CASZ1: variants seen among roughly 807,000 people sequenced by gnomAD.
The protein encoded by CASZ1 is castor zinc finger 1.
In CASZ1, 28 loss-of-function variants were observed where a neutral mutation model predicts 135.2. The ratio of observed to expected loss-of-function variants is 0.21; its 90% confidence interval spans 0.15 to 0.28. The LOEUF (loss-of-function observed/expected upper bound fraction) is 0.28, where lower values mean the gene tolerates loss of function less well. Among genes scored for constraint, CASZ1 ranks in the 10% least tolerant of loss-of-function variants. The probability of loss-of-function intolerance (pLI) is 1.00; values close to 1 mark genes in which losing one functional copy is unlikely to be tolerated. For synonymous variants in CASZ1, 1,068 were observed against 1,073.4 expected, an observed-to-expected ratio of 0.99 and a Z score of 0.10; for missense variants, 2,161 against 2,453.3, an observed-to-expected ratio of 0.88 and a Z score of 2.52.
intron 2 of CASZ1, among the ~76,000 whole-genome samples, chr1:10,734,492 CGG>C (rs1403091719): frequency 6.6e-6 from 1 of 152,020 alleles, no homozygotes; most frequent in East Asian, 1.9e-4. Context: ...AGCTGCATCT[CGG>C]GAATTCTCTA....
chr1:10,777,561 C>T lies in CASZ1; in HGVS notation c.-233-16704G>A, dbSNP rs1311538144. On this transcript the variant is annotated intron_variant, in intron 1 of 20. Transcript: ENST00000377022. This position sits in a 1 kb window ranked among gnomAD's most constrained non-coding sequence, Gnocchi z 4.4. ...GGAAGACCCCGTTAATTTTACTCTG[C>T]CCGGCTACTACAACGAGGGGGAAAG... 2.6e-5 allele frequency among the ~76,000 whole-genome samples: 4 copies of T among 152,160 alleles called. No individual in the cohort carries two copies. Among genetic ancestry groups the T allele is most frequent in the Non-Finnish European group, 4.4e-5 (3 of 68,038 alleles).
chr1:10,705,737 A>G (rs1410977878), intron 2 of CASZ1, among the ~76,000 whole-genome samples, 193 bp from the exon 3 acceptor site: 1 of 152,252 alleles, frequency 6.6e-6, no homozygotes, highest in East Asian at 1.9e-4. Context: ...ATTCAGGCAT[A>G]TGCCAGCCAC....
At position 10,724,417 on chromosome 1, in the gene CASZ1, A is replaced by G. The variant is rs1639558857; in HGVS notation, c.-76-18873T>C. Among the ~76,000 whole-genome samples, 1 of 152,226 alleles carries G rather than the reference A, an allele frequency of 6.6e-6. No individual in the cohort carries two copies. Among genetic ancestry groups the G allele is most frequent in the East Asian group, 1.9e-4 (1 of 5,202 alleles). ...AAGGCTGTTTTAAAGGGTAGAAAGCAAAATAAGGTAACCTGAGCTATTAAA... is the reference window on the plus strand; with the variant it reads ...AAGGCTGTTTTAAAGGGTAGAAAGCGAAATAAGGTAACCTGAGCTATTAAA... On this transcript the variant is annotated intron_variant, in intron 2 of 20. Coordinates refer to ENST00000377022, the MANE Select transcript of CASZ1 (RefSeq NM_001079843.3). This position sits in a 1 kb window ranked among gnomAD's most constrained non-coding sequence, Gnocchi z 4.1.
Position 10,757,700 on chromosome 1 carries a change from A to G in CASZ1, c.-77+3001T>C, listed in dbSNP as rs1640286087. 6.6e-6 allele frequency among the ~76,000 whole-genome samples: 1 copy of G among 152,202 alleles called. No homozygotes were observed. The highest frequency in any genetic ancestry group is 2.1e-4 in the South Asian group (1 of 4,824). ...CCACTCGAGAGGCTGAGGCAGGAGA[A>G]TCACCTGAACCCGGGAGGCGGAGGT... is the stretch of plus-strand genomic sequence containing the variant. On this transcript the variant is annotated intron_variant, in intron 2 of 20. Transcript: ENST00000377022. This position sits in a 1 kb window ranked among gnomAD's most constrained non-coding sequence, Gnocchi z 4.6.
intron 11 of CASZ1, 142 bp downstream of exon 11, chr1:10,653,235 A>T: frequency 1.1e-6 from 1 of 899,916 alleles, no homozygotes; most frequent in Non-Finnish European, 1.8e-6. Flanking sequence ...GGCGAAGATC[A>T]GGCAAAGAGG....
At chr1:10,740,035 A>G (rs1385399482) in intron 2 of CASZ1, among the ~76,000 whole-genome samples, 1 of 152,120 alleles carries the variant, frequency 6.6e-6, no homozygotes, top group African/African-American at 2.4e-5. Context: ...GATGAATGCC[A>G]ATTACCACCA....
Position 10,638,881 on chromosome 1 carries a change from G to T in CASZ1, c.*61C>A. 4 of 981,956 alleles carry T rather than the reference G, an allele frequency of 4.1e-6. No individual in the cohort carries two copies. The highest frequency in any genetic ancestry group is 4.8e-6 in the Non-Finnish European group (4 of 828,690). The allele number at this position is 981,956 out of a possible 1,614,324, so 60.8% of individuals were successfully genotyped here. On this transcript the variant is annotated 3_prime_UTR_variant, in exon 21 of 21. Transcript: ENST00000377022. This position sits in a 1 kb window ranked among gnomAD's most constrained non-coding sequence, Gnocchi z 5.9. Reference sequence around the variant, plus strand: ...GCTCTGCCCAGGGGCCGCTTCGCGCGGGGCGGCGCCGCTCCCGAGGCCGAG... The same window carrying T: ...GCTCTGCCCAGGGGCCGCTTCGCGCTGGGCGGCGCCGCTCCCGAGGCCGAG...
chr1:10,694,298 A>G lies in CASZ1; in HGVS notation c.-23-386T>C. 8.7e-7 allele frequency: 1 copy of G among 1,147,950 alleles called. No homozygotes were observed. 71.1% of individuals were successfully genotyped at this position (1,147,950 alleles called of 1,614,324 possible). ...CCCCCGCCCGCGCCCGGTACTCACC[A>G]TAGTCGGAGAGTCGAAAGCCGAATT... is the stretch of plus-strand genomic sequence containing the variant. On this transcript the variant is annotated intron_variant, in intron 3 of 20. Transcript: ENST00000377022. The surrounding 1 kb of genome is among the most constrained non-coding windows in gnomAD (Gnocchi z 6.6).
chr1:10,761,453 C>A (rs938249037), intron 1 of CASZ1, among the ~76,000 whole-genome samples: 3 of 152,132 alleles, frequency 2.0e-5, no homozygotes, highest in Non-Finnish European at 4.4e-5. Flanking sequence ...CATTCTGGTA[C>A]TGTGGGACTC....
At chr1:10,730,485 A>G (rs1465103544) in intron 2 of CASZ1, among the ~76,000 whole-genome samples, 1 of 152,202 alleles carries the variant, frequency 6.6e-6, no homozygotes, top group Non-Finnish European at 1.5e-5. Flanking sequence ...TCTGAAGGAC[A>G]TGGACCCGTG....
chr1:10,674,396 GT>G (rs1643497220), intron 4 of CASZ1, among the ~76,000 whole-genome samples: 1 of 152,254 alleles, frequency 6.6e-6, no homozygotes, highest in Non-Finnish European at 1.5e-5. Context: ...TGAATCCAGC[GT>G]GGGGTCCGAG....
intron 4 of CASZ1, among the ~76,000 whole-genome samples, chr1:10,671,995 A>T (rs2100322298): frequency 6.6e-6 from 1 of 152,290 alleles, no homozygotes; most frequent in East Asian, 1.9e-4. Flanking sequence ...CAGAGACCGG[A>T]GTGGGAGAGG....
At chr1:10,648,986 T>C (rs1255445015) in intron 15 of CASZ1, 84 bp downstream of exon 15, 65 of 1,548,800 alleles carry the variant, frequency 4.2e-5, no homozygotes, top group Non-Finnish European at 5.4e-5. Context: ...CGGGAACTGC[T>C]GTACCAGCCT....
chr1:10,738,432 C>T (rs34071855), intron 2 of CASZ1, among the ~76,000 whole-genome samples: 9 of 152,118 alleles, frequency 5.9e-5, no homozygotes, highest in Non-Finnish European at 7.4e-5. Context: ...CACAGCAGGC[C>T]GGGGAAGGGG....
In CASZ1 at chr1:10,759,503, A is replaced by G. The variant is rs1002436107; in HGVS notation, c.-77+1198T>C. ...GTCGCAGCCACACAGTTGCCCCACC[A>G]CAGCGACCAAAGGCCACATTTGCAT... is the stretch of plus-strand genomic sequence containing the variant. On this transcript the variant is annotated intron_variant, in intron 2 of 20. Transcript: ENST00000377022. The surrounding 1 kb of genome is among the most constrained non-coding windows in gnomAD (Gnocchi z 4.2). Among the ~76,000 whole-genome samples, 3 of 152,112 alleles carry G rather than the reference A, an allele frequency of 2.0e-5. No homozygotes were observed. Among genetic ancestry groups the G allele is most frequent in the African/African-American group, 4.8e-5 (2 of 41,410 alleles).
chr1:10,771,663 CTCCTCCTCCTCCTCCTCCTCT>C (rs1640579513), intron 1 of CASZ1, among the ~76,000 whole-genome samples: 1 of 150,782 alleles, frequency 6.6e-6, no homozygotes, highest in African/African-American at 2.4e-5. Context: ...CTCTTTCCTC[CTCCTCCTCCTCCTCCTCCTCT>C]TCCTCCTCCT....
In CASZ1 at chr1:10,755,753, T is replaced by C. The variant is rs990627233; in HGVS notation, c.-77+4948A>G. ...GATCAATAACTCTTCCCAGACCAAC[T>C]CCCAGCCACATCTCTGCCCAGCCCA... On this transcript the variant is annotated intron_variant, in intron 2 of 20. Transcript: ENST00000377022. The surrounding 1 kb of genome is among the most constrained non-coding windows in gnomAD (Gnocchi z 4.3). Among the ~76,000 whole-genome samples the C allele has an allele frequency of 6.6e-6, 1 of 151,656 alleles. No homozygotes were observed. Among genetic ancestry groups the C allele is most frequent in the South Asian group, 2.1e-4 (1 of 4,792 alleles).
intron 1 of CASZ1, among the ~76,000 whole-genome samples, chr1:10,770,844 G>A (rs749159277): frequency 1.3e-5 from 2 of 152,148 alleles, no homozygotes; most frequent in South Asian, 2.1e-4. Flanking sequence ...CTTTTACCTC[G>A]GATCACCCTT....
In CASZ1 at chr1:10,710,809, C is replaced by T. The variant is rs559071041; in HGVS notation, c.-76-5265G>A. On this transcript the variant is annotated intron_variant, in intron 2 of 20. Coordinates refer to ENST00000377022, the MANE Select transcript of CASZ1 (RefSeq NM_001079843.3). ...CACTGAGCACACACTGTGTGCGTGA[C>T]GCTGTGCCAGGCACAAGGAAGAGAA... 1.4e-4 allele frequency among the ~76,000 whole-genome samples: 22 copies of T among 152,370 alleles called. No homozygotes were observed. The South Asian group carries it at 3.9e-3, about 27-fold the overall frequency.
Sources: gnomAD v4.1 joint callset for allele counts (sites outside exome capture counted in the v4.1 genomes callset) on GRCh38, gnomAD v4.1.1 for gene constraint, Gnocchi (gnomAD v3.1) non-coding constraint, MANE v1.5 for transcripts, NCBI Gene and HGNC (gene_info 2026-07-23, HGNC 2026-07-21) for gene names.